NYAP2: variants seen among roughly 807,000 people sequenced by gnomAD.
NYAP2 encodes the protein neuronal tyrosine-phosphorylated phosphoinositide-3-kinase adaptor 2, also known as neuronal tyrosine-phosphorylated phosphoinositide-3-kinase adapter 2.
In NYAP2, 23 loss-of-function variants were observed where a neutral mutation model predicts 50.4. That is an observed-to-expected ratio of 0.46 (90% CI 0.33 to 0.65). NYAP2 has a LOEUF of 0.65. Among genes scored for constraint, NYAP2 ranks in the 30% least tolerant of loss-of-function variants. The pLI is 0.02. For missense variants in NYAP2, 885 were observed against 861.0 expected (o/e 1.03, Z -0.35); for synonymous variants, 394 against 365.2 (o/e 1.08, Z -0.90).
chr2:225,527,290 G>T (rs1324013266), intron 4 of NYAP2, among the ~76,000 whole-genome samples: 1 of 152,154 alleles, frequency 6.6e-6, no homozygotes, highest in African/African-American at 2.4e-5. Flanking sequence ...TGATTTAGAG[G>T]TGTGTTTTAT....
chr2:225,435,461 G>T (rs2106136842), intron 3 of NYAP2, among the ~76,000 whole-genome samples: 1 of 152,268 alleles, frequency 6.6e-6, no homozygotes, highest in East Asian at 1.9e-4. Flanking sequence ...AGTCATCAAA[G>T]TGGAGGTTAA....
chr2:225,596,931 G>A (rs1429837856), intron 5 of NYAP2, among the ~76,000 whole-genome samples: 1 of 152,072 alleles, frequency 6.6e-6, no homozygotes, highest in African/African-American at 2.4e-5. Flanking sequence ...ATTTTCAGAA[G>A]ATGAAAAATA....
intron 3 of NYAP2, among the ~76,000 whole-genome samples, chr2:225,450,017 A>G (rs1689625897): frequency 6.6e-6 from 1 of 152,210 alleles, no homozygotes; most frequent in Non-Finnish European, 1.5e-5. Context: ...ATTAGGTAGT[A>G]TGTCTCCTGA....
In NYAP2 at chr2:225,572,632, G is replaced by A. The variant is rs560452672; in HGVS notation, c.524-9309G>A. ...TACAATTTAAGATGAGATTTGTGTG[G>A]GGACACAGTCAAATCATATTAGAAA... is the stretch of plus-strand genomic sequence containing the variant. On this transcript the variant is annotated intron_variant, in intron 4 of 6. Transcript: ENST00000636099. 2.8e-4 allele frequency among the ~76,000 whole-genome samples: 43 copies of A among 152,260 alleles called. No individual in the cohort carries two copies. The Middle Eastern group carries it at 0.01, about 36-fold the overall frequency.
At chr2:225,663,796 T>C in the NYAP2 span, among the ~76,000 whole-genome samples, 27 of 152,248 alleles carry the variant, frequency 1.8e-4, no homozygotes, top group Non-Finnish European at 2.6e-4. Context: ...GACCTTGTGA[T>C]CTGCCTGCCT....
intron 3 of NYAP2, among the ~76,000 whole-genome samples, chr2:225,438,366 A>C (rs576720981): frequency 2.5e-4 from 38 of 152,382 alleles, no homozygotes; most frequent in African/African-American, 8.4e-4. Flanking sequence ...CAAGTGCTTT[A>C]GCTTTATCAA....
chr2:225,440,267 G>T (rs182966053), intron 3 of NYAP2, among the ~76,000 whole-genome samples: 20 of 152,304 alleles, frequency 1.3e-4, no homozygotes, highest in Admixed American at 1.2e-3. Context: ...CATAGGATGC[G>T]CTGGGTAGAA....
Position 225,625,958 on chromosome 2 carries a change from G to T in NYAP2, c.1619-959G>T, listed in dbSNP as rs975017758. 2.6e-5 allele frequency among the ~76,000 whole-genome samples: 4 copies of T among 152,170 alleles called. No homozygotes were observed. The South Asian group carries it at 8.3e-4, about 32-fold the overall frequency. On this transcript the variant is annotated intron_variant, in intron 5 of 6. Transcript: ENST00000636099. ...GAACCAGAGCCATTGAGGTAGACAT[G>T]AAACAAAGTGGAAGAGAAGCAAGAG... is the stretch of plus-strand genomic sequence containing the variant.
At chr2:225,607,677 C>G (rs763135208) in intron 5 of NYAP2, among the ~76,000 whole-genome samples, 1 of 121,848 alleles carries the variant, frequency 8.2e-6, no homozygotes, top group Admixed American at 9.2e-5. Context: ...ATTTTTCCCT[C>G]TAGGAGATTT....
chr2:225,498,633 A>G (rs1380111327), intron 3 of NYAP2, among the ~76,000 whole-genome samples: 1 of 152,068 alleles, frequency 6.6e-6, no homozygotes. Flanking sequence ...AAATAATCCA[A>G]GTAAGAATAT....
chr2:225,673,927 A>T, the NYAP2 span, among the ~76,000 whole-genome samples: 1 of 152,232 alleles, frequency 6.6e-6, no homozygotes, highest in African/African-American at 2.4e-5. Flanking sequence ...TCTTGGGTAC[A>T]ATGACAAAGC....
chr2:225,413,142 A>G (rs907910169), intron 3 of NYAP2, among the ~76,000 whole-genome samples: 2 of 152,124 alleles, frequency 1.3e-5, no homozygotes, highest in Non-Finnish European at 2.9e-5. Flanking sequence ...TAAAATATAA[A>G]TATCTTTGGA....
At chr2:225,424,846 T>G (rs1238105604) in intron 3 of NYAP2, among the ~76,000 whole-genome samples, 1 of 152,140 alleles carries the variant, frequency 6.6e-6, no homozygotes, top group Non-Finnish European at 1.5e-5. Flanking sequence ...AGATTTTGTT[T>G]CCATCTTCTC....
intron 4 of NYAP2, among the ~76,000 whole-genome samples, chr2:225,527,993 A>T (rs1366915620): frequency 6.6e-6 from 1 of 152,196 alleles, no homozygotes; most frequent in African/African-American, 2.4e-5. Context: ...AAAAGCAATA[A>T]TTATAACTGG....
intron 3 of NYAP2, among the ~76,000 whole-genome samples, chr2:225,410,089 GC>G (rs1695010311): frequency 6.6e-6 from 1 of 151,972 alleles, no homozygotes; most frequent in African/African-American, 2.4e-5. Context: ...AATTATTCAT[GC>G]TTATAAAGAA....
At chr2:225,644,987 C>T (rs1285897478) in intron 6 of NYAP2, among the ~76,000 whole-genome samples, 1 of 152,128 alleles carries the variant, frequency 6.6e-6, no homozygotes, top group Non-Finnish European at 1.5e-5. Context: ...TGTCCAGGCA[C>T]ACTTCCTCAT....
chr2:225,432,419 T>C (rs988191264), intron 3 of NYAP2, among the ~76,000 whole-genome samples: 4 of 150,186 alleles, frequency 2.7e-5, no homozygotes, highest in African/African-American at 9.7e-5. Flanking sequence ...TAAAATCAAC[T>C]TTATATATAT....
At chr2:225,555,872 T>C (rs1296044595) in intron 4 of NYAP2, among the ~76,000 whole-genome samples, 1 of 152,160 alleles carries the variant, frequency 6.6e-6, no homozygotes, top group Non-Finnish European at 1.5e-5. Flanking sequence ...TCCATTCACT[T>C]TGGGCATTGA....
chr2:225,429,496 G>T (rs1695333665), intron 3 of NYAP2, among the ~76,000 whole-genome samples: 2 of 152,106 alleles, frequency 1.3e-5, no homozygotes, highest in Non-Finnish European at 2.9e-5. Flanking sequence ...ATATTTTGAA[G>T]AACAAAGAAA....
Sources: allele counts gnomAD v4.1 joint callset (sites outside exome capture counted in the v4.1 genomes callset), GRCh38; gene constraint gnomAD v4.1.1; transcripts MANE v1.5; gene names NCBI Gene and HGNC (gene_info 2026-07-23, HGNC 2026-07-21).